The following USP34 variants were observed in gnomAD, a reference collection of about 807,000 sequenced individuals.
USP34 encodes the protein ubiquitin carboxyl-terminal hydrolase 34.
Under a neutral mutation model 460.3 loss-of-function variants are expected in USP34, and 70 were observed. The ratio of observed to expected loss-of-function variants is 0.15; its 90% CI spans 0.13 to 0.19. The LOEUF (loss-of-function observed/expected upper bound fraction) is 0.19. Ranked by LOEUF, USP34 falls within the 10% of genes least tolerant of loss-of-function variation. The pLI, the probability that USP34 is intolerant of heterozygous loss-of-function variation, is 1.00. For missense variants in USP34, 3,985 were observed against 4,236.2 expected, an observed-to-expected ratio of 0.94 and a Z score of 1.65; for synonymous variants, 1,647 against 1,405.3, an observed-to-expected ratio of 1.17 and a Z score of -3.85.
intron 3 of USP34, among the ~76,000 whole-genome samples, chr2:61,405,424 AAG>A (rs1250386370): frequency 2.0e-5 from 3 of 152,100 alleles, no homozygotes; most frequent in African/African-American, 4.8e-5. Context: ...ATTATTTATT[AAG>A]AGTCATAAAA....
Position 61,350,632 on chromosome 2 carries a change from G to A in USP34, c.1313C>T (p.Pro438Leu), listed in dbSNP as rs371413568. 6 of 1,613,602 alleles carry A rather than the reference G, an allele frequency of 3.7e-6. No individual in the cohort carries two copies. Among genetic ancestry groups the A allele is most frequent in the Non-Finnish European group, 5.1e-6 (6 of 1,179,848 alleles). Residue 438 changes from proline (P) to leucine (L), a missense_variant, in exon 11 of 80, where the codon CCC (proline) becomes CTC (leucine). Transcript: ENST00000398571. ...ATTAAGTAGATGTCTAAGTGGTACG[G>A]GATCCAAATTCTTGATGAGTGAAGG... is the stretch of plus-strand genomic sequence containing the variant. Reference protein sequence around the residue: ...LFPSLIKNLDPVPLRHLLNLV... With the variant: ...LFPSLIKNLDLVPLRHLLNLV...
At position 61,389,765 on chromosome 2, in the gene USP34, G is replaced by C. The variant is rs115962627; in HGVS notation, c.753+5088C>G. Among the ~76,000 whole-genome samples the C allele has an allele frequency of 9.0e-3, 1,366 of 151,498 alleles. 20 individuals are homozygous for C. The highest frequency in any genetic ancestry group is 0.031 in the African/African-American group (1,281 of 41,300). On this transcript the variant is annotated intron_variant, in intron 5 of 79. Transcript: ENST00000398571. ...TTTTTTTTAAGTTTTGAGCTTTTCAGGTTTCCTTCTCCCCACCCCCTGCTT... is the reference window on the plus strand; with the variant it reads ...TTTTTTTTAAGTTTTGAGCTTTTCACGTTTCCTTCTCCCCACCCCCTGCTT...
intron 11 of USP34, 50 bp from the exon 12 acceptor site, chr2:61,350,439 A>G (rs1304017203): frequency 7.6e-6 from 12 of 1,582,464 alleles, no homozygotes; most frequent in Non-Finnish European, 1.0e-5. Context: ...GGCAACACTA[A>G]CAAATTTAAT....
Position 61,300,961 on chromosome 2 carries a change from T to C in USP34, c.4118A>G (p.Asp1373Gly), listed in dbSNP as rs773699261. 6.2e-6 allele frequency: 10 copies of C among 1,610,954 alleles called. No homozygotes were observed. Among genetic ancestry groups the C allele is most frequent in the South Asian group, 1.1e-5 (1 of 90,590 alleles). The change falls in exon 29 of 80, where the codon GAT (aspartate) becomes GGT (glycine). Residue 1373 changes from aspartate (D) to glycine (G), a missense_variant. Coordinates refer to ENST00000398571, the MANE Select transcript of USP34 (RefSeq NM_014709.4). ...ATGAAACATAGTCACCTCACTATCA[T>C]CCACTGCCACTTTTCCTGAGGGTGG... ...FKPPSGKVAV[D>G]DSESLRCEEL...
chr2:61,203,205 A>G lies in USP34; in HGVS notation c.9443T>C (p.Phe3148Ser). 2 of 1,603,344 alleles carry G rather than the reference A, an allele frequency of 1.2e-6. No homozygotes were observed. Among genetic ancestry groups the G allele is most frequent in the Non-Finnish European group, 1.7e-6 (2 of 1,174,854 alleles). ...TGCAACTCGGCATAATAGATGGATGAACTGATGATAAGAAAAGAAGTAGTC... is the reference window on the plus strand; with the variant it reads ...TGCAACTCGGCATAATAGATGGATGGACTGATGATAAGAAAAGAAGTAGTC... The part of the protein sequence containing the change: ...LLDYFFSYHQ[F>S]IHLLCRVAIN... The change falls in exon 75 of 80, where the codon TTC (phenylalanine) becomes TCC (serine). Residue 3148 changes from phenylalanine (F) to serine (S), a missense_variant. Coordinates refer to ENST00000398571, the MANE Select transcript of USP34 (RefSeq NM_014709.4).
chr2:61,380,513 CTT>C (rs1275346266), intron 6 of USP34, 152 bp from the exon 7 acceptor site: 2 of 719,758 alleles, frequency 2.8e-6, no homozygotes, highest in Non-Finnish European at 4.4e-6. Context: ...TGCCTAATCT[CTT>C]TGGCAGATTC....
In USP34 at chr2:61,214,410, C is replaced by G. The variant is rs954690725; in HGVS notation, c.8332G>C (p.Asp2778His). The part of the protein sequence containing the change: ...EKLMFSTYFM[D>H]LWNLFQPKLS... ...TTAGGCTGGAAAAGGTTCCACAAAT[C>G]CATGAAATATGTGGAAAACATCAGC... is the stretch of plus-strand genomic sequence containing the variant. The change falls in exon 68 of 80, where the codon GAT (aspartate) becomes CAT (histidine). Residue 2778 changes from aspartate to histidine, a missense_variant. Transcript: ENST00000398571. 2.5e-6 allele frequency: 4 copies of G among 1,614,006 alleles called. No homozygotes were observed.
rs181043317 is a variant in USP34 at position 61,293,038 on chromosome 2, T to G, written c.4548+426A>C. Reference sequence around the variant, plus strand: ...CTCTCAATTTCTATATCCATCTCAATGTAAGCCAGTCAACATGGTCTGGAA... The same window carrying G: ...CTCTCAATTTCTATATCCATCTCAAGGTAAGCCAGTCAACATGGTCTGGAA... On this transcript the variant is annotated intron_variant, in intron 33 of 79. Coordinates refer to ENST00000398571, the MANE Select transcript of USP34 (RefSeq NM_014709.4). 2.8e-3 allele frequency among the ~76,000 whole-genome samples: 420 copies of G among 152,200 alleles called. 1 individual carries two copies. The highest frequency in any genetic ancestry group is 9.4e-3 in the African/African-American group (391 of 41,556).
intron 8 of USP34, among the ~76,000 whole-genome samples, chr2:61,371,688 G>T (rs1297521040): frequency 1.3e-4 from 20 of 152,146 alleles, no homozygotes; most frequent in Admixed American, 1.3e-3. Flanking sequence ...GTCTACAGTA[G>T]TGTAGAGTCA....
intron 25 of USP34, among the ~76,000 whole-genome samples, chr2:61,313,981 T>G (rs1690671149): frequency 6.6e-6 from 1 of 152,128 alleles, no homozygotes; most frequent in Non-Finnish European, 1.5e-5. Context: ...AAATAGAATT[T>G]CTTAAAACTA....
chr2:61,424,684 C>T (rs189509168), intron 1 of USP34, among the ~76,000 whole-genome samples: 6 of 152,194 alleles, frequency 3.9e-5, no homozygotes, highest in Non-Finnish European at 8.8e-5. Context: ...AACACCAGCC[C>T]AGGCAACATG....
intron 29 of USP34, among the ~76,000 whole-genome samples, chr2:61,298,458 A>C (rs187464981): frequency 7.2e-6 from 1 of 138,122 alleles, no homozygotes; most frequent in African/African-American, 2.7e-5. Context: ...GAATGACTTG[A>C]ACCTGGGAGG....
At chr2:61,240,113 T>A (rs1304832975) in intron 53 of USP34, among the ~76,000 whole-genome samples, 3 of 152,100 alleles carry the variant, frequency 2.0e-5, no homozygotes, top group African/African-American at 7.2e-5. Flanking sequence ...GCATACAATT[T>A]AATCAGGTGT....
chr2:61,457,778 G>T (rs933586829), intron 1 of USP34, among the ~76,000 whole-genome samples: 1 of 152,150 alleles, frequency 6.6e-6, no homozygotes, highest in African/African-American at 2.4e-5. Flanking sequence ...AGCCCAGGAG[G>T]TCAAGGCTGC....
At chr2:61,316,906 AT>A (rs1485781554) in intron 23 of USP34, among the ~76,000 whole-genome samples, 1 of 152,124 alleles carries the variant, frequency 6.6e-6, no homozygotes, top group Non-Finnish European at 1.5e-5. Flanking sequence ...AATAATAAAA[AT>A]TTTTAAAAAT....
chr2:61,388,616 C>G (rs1009845382), intron 5 of USP34, among the ~76,000 whole-genome samples: 13 of 152,062 alleles, frequency 8.5e-5, no homozygotes, highest in Non-Finnish European at 1.9e-4. Context: ...ATTAGCCAGG[C>G]ATGGTGGTGG....
At chr2:61,338,173 T>C (rs1177685585) in intron 18 of USP34, among the ~76,000 whole-genome samples, 8 of 152,044 alleles carry the variant, frequency 5.3e-5, no homozygotes, top group Non-Finnish European at 1.5e-5. Flanking sequence ...GTACAAAAAT[T>C]AGCCAGCCAT....
At chr2:61,452,388 G>T (rs1430570702) in intron 1 of USP34, among the ~76,000 whole-genome samples, 3 of 141,062 alleles carry the variant, frequency 2.1e-5, no homozygotes, top group South Asian at 2.4e-4. Context: ...GTAGTGGCGC[G>T]ATCTCAGCTC....
intron 5 of USP34, among the ~76,000 whole-genome samples, chr2:61,393,402 G>C (rs990395067): frequency 1.4e-5 from 2 of 146,834 alleles, no homozygotes; most frequent in African/African-American, 2.5e-5. Context: ...CTGCACTCCA[G>C]CCTGGGCAAC....
Sources: allele counts gnomAD v4.1 joint callset (sites outside exome capture counted in the v4.1 genomes callset), GRCh38; gene constraint gnomAD v4.1.1; transcripts MANE v1.5; gene names NCBI Gene and HGNC (gene_info 2026-07-23, HGNC 2026-07-21).